AGBL4: variants seen among roughly 807,000 people sequenced by gnomAD.
AGBL4 encodes AGBL carboxypeptidase 4.
In AGBL4, 58 loss-of-function variants were observed where a neutral mutation model predicts 66.4. The ratio of observed to expected loss-of-function variants is 0.87; its 90% confidence interval spans 0.71 to 1.09. AGBL4 has a LOEUF of 1.09. Among genes scored for constraint, AGBL4 ranks in the 50% least tolerant of loss-of-function variants. The pLI, the probability that AGBL4 is intolerant of heterozygous loss-of-function variation, is 0.00. For synonymous variants in AGBL4, 234 were observed against 222.9 expected (o/e 1.05, Z -0.44); for missense variants, 579 against 631.0 (o/e 0.92, Z 0.88).
At chr1:48,889,860 G>A (rs1466815205) in intron 5 of AGBL4, among the ~76,000 whole-genome samples, 1 of 152,144 alleles carries the variant, frequency 6.6e-6, no homozygotes, top group Non-Finnish European at 1.5e-5. Context: ...CTTGAATTGG[G>A]AGGAATTTCC....
At chr1:49,948,012 A>ATATATT (rs1655473029) in intron 1 of AGBL4, among the ~76,000 whole-genome samples, 2 of 49,802 alleles carry the variant, frequency 4.0e-5, no homozygotes, top group African/African-American at 3.7e-4. Flanking sequence ...ATATATAAAT[A>ATATATT]TATAAATATA....
intron 3 of AGBL4, among the ~76,000 whole-genome samples, chr1:49,558,150 G>C (rs1030918163): frequency 6.6e-6 from 1 of 151,986 alleles, no homozygotes; most frequent in Non-Finnish European, 1.5e-5. Flanking sequence ...CTCAAGGGCT[G>C]TGCGTGAGCC....
chr1:49,387,974 T>G (rs1644768963), intron 3 of AGBL4, among the ~76,000 whole-genome samples: 1 of 152,026 alleles, frequency 6.6e-6, no homozygotes, highest in African/African-American at 2.4e-5. Flanking sequence ...GTCAGTTCAT[T>G]TGTAACATGG....
At chr1:49,039,866 A>C (rs1487955635) in intron 5 of AGBL4, among the ~76,000 whole-genome samples, 1 of 152,042 alleles carries the variant, frequency 6.6e-6, no homozygotes. Context: ...ACAATTACAC[A>C]CTTATTAGAT....
chr1:49,575,839 A>G (rs1004968930), intron 3 of AGBL4, among the ~76,000 whole-genome samples: 1 of 152,220 alleles, frequency 6.6e-6, no homozygotes, highest in Non-Finnish European at 1.5e-5. Context: ...CTTCAGGGGT[A>G]TATCAACTCT....
intron 5 of AGBL4, among the ~76,000 whole-genome samples, chr1:48,874,644 C>T (rs1325828773): frequency 6.6e-6 from 1 of 151,994 alleles, no homozygotes; most frequent in African/African-American, 2.4e-5. Flanking sequence ...CCAAAAATAC[C>T]TATTATTTTC....
chr1:49,439,738 A>G (rs1645982753), intron 3 of AGBL4, among the ~76,000 whole-genome samples: 1 of 152,184 alleles, frequency 6.6e-6, no homozygotes, highest in Non-Finnish European at 1.5e-5. Flanking sequence ...CTCCCAGCCT[A>G]CATCTTTTTC....
At chr1:49,629,262 C>A (rs1215057440) in intron 3 of AGBL4, among the ~76,000 whole-genome samples, 1 of 152,110 alleles carries the variant, frequency 6.6e-6, no homozygotes, top group Non-Finnish European at 1.5e-5. Flanking sequence ...ACTATCTGGT[C>A]CTTTACAGAA....
At chr1:48,970,962 T>C (rs952764845) in intron 5 of AGBL4, among the ~76,000 whole-genome samples, 1 of 152,156 alleles carries the variant, frequency 6.6e-6, no homozygotes, top group Admixed American at 6.5e-5. Context: ...GGTGTATATC[T>C]AACTCTGAGA....
intron 6 of AGBL4, among the ~76,000 whole-genome samples, chr1:48,773,990 C>G (rs1644957805): frequency 6.6e-6 from 1 of 152,222 alleles, no homozygotes; most frequent in Non-Finnish European, 1.5e-5. Flanking sequence ...TAAAGTCCCA[C>G]AGCAGTCGGC....
chr1:49,421,495 C>A (rs1214658046), intron 3 of AGBL4, among the ~76,000 whole-genome samples: 1 of 152,058 alleles, frequency 6.6e-6, no homozygotes, highest in Non-Finnish European at 1.5e-5. Context: ...TGTTTTGCAT[C>A]AATGTCGTGT....
chr1:49,698,289 A>C (rs996364604), intron 2 of AGBL4, among the ~76,000 whole-genome samples: 9 of 152,176 alleles, frequency 5.9e-5, no homozygotes, highest in Non-Finnish European at 1.0e-4. Flanking sequence ...TATTAATAGA[A>C]ACATGAAAAT....
intron 5 of AGBL4, among the ~76,000 whole-genome samples, chr1:48,971,544 T>C (rs180996369): frequency 6.6e-6 from 1 of 152,148 alleles, no homozygotes; most frequent in African/African-American, 2.4e-5. Flanking sequence ...AAGTCAGATA[T>C]AAAAGAGTTC....
At chr1:49,013,481 A>G (rs1471158505) in intron 5 of AGBL4, among the ~76,000 whole-genome samples, 1 of 152,162 alleles carries the variant, frequency 6.6e-6, no homozygotes, top group Admixed American at 6.5e-5. Context: ...GGAGCCCTTT[A>G]TTTTACAAAG....
intron 2 of AGBL4, among the ~76,000 whole-genome samples, chr1:49,829,659 C>T (rs28612289): frequency 3.3e-5 from 5 of 152,034 alleles, no homozygotes; most frequent in Admixed American, 2.6e-4. Flanking sequence ...AAAACATGTG[C>T]GGAACGGTGC....
chr1:49,390,957 G>A (rs1045170966), intron 3 of AGBL4, among the ~76,000 whole-genome samples: 5 of 152,166 alleles, frequency 3.3e-5, no homozygotes, highest in African/African-American at 1.2e-4. Context: ...CTTACACCAG[G>A]CTGCGGTGTG....
intron 5 of AGBL4, among the ~76,000 whole-genome samples, chr1:49,035,314 G>A (rs941962203): frequency 7.9e-5 from 12 of 152,082 alleles, no homozygotes; most frequent in African/African-American, 2.9e-4. Flanking sequence ...ATTTGATTGA[G>A]GGGCATAAGG....
intron 5 of AGBL4, among the ~76,000 whole-genome samples, chr1:48,873,115 T>A (rs1004106735): frequency 3.3e-5 from 5 of 152,164 alleles, no homozygotes; most frequent in African/African-American, 1.2e-4. Context: ...AGAATGCACA[T>A]CTTAAAACTC....
chr1:49,247,573 C>T (rs1651741948), intron 3 of AGBL4, among the ~76,000 whole-genome samples: 2 of 152,068 alleles, frequency 1.3e-5, no homozygotes, highest in South Asian at 4.1e-4. Flanking sequence ...CCTCAGAGGG[C>T]ATAAGCCCCC....
Sources: gnomAD v4.1 joint callset for allele counts (sites outside exome capture counted in the v4.1 genomes callset) on GRCh38, gnomAD v4.1.1 for gene constraint, MANE v1.5 for transcripts, NCBI Gene and HGNC (gene_info 2026-07-23, HGNC 2026-07-21) for gene names.